RB1: variants seen among roughly 807,000 people sequenced by gnomAD.
The protein encoded by RB1 is RB transcriptional corepressor 1.
RB1 carries 18 observed loss-of-function variants against 135.4 expected under a neutral mutation model. The ratio of observed to expected loss-of-function variants is 0.13; its 90% CI spans 0.09 to 0.20. The LOEUF (loss-of-function observed/expected upper bound fraction) is 0.20. Ranked by LOEUF, RB1 falls within the 10% of genes least tolerant of loss-of-function variation. The probability of loss-of-function intolerance (pLI) is 1.00; values close to 1 mark genes in which losing one functional copy is unlikely to be tolerated. For synonymous variants in RB1, 365 were observed against 373.2 expected, an observed-to-expected ratio of 0.98 and a Z score of 0.25; for missense variants, 868 against 1,110.0, an observed-to-expected ratio of 0.78 and a Z score of 3.10.
intron 20 of RB1, among the ~76,000 whole-genome samples, chr13:48,461,950 A>G (rs1425093068): frequency 6.6e-6 from 1 of 151,628 alleles, no homozygotes; most frequent in Admixed American, 6.6e-5. Context: ...CTTCTGCCTC[A>G]GCCTCCTGAG....
intron 17 of RB1, among the ~76,000 whole-genome samples, chr13:48,424,913 G>T (rs561972538): frequency 4.5e-4 from 68 of 152,094 alleles, no homozygotes; most frequent in Non-Finnish European, 8.8e-4. Context: ...TGTTATCCAG[G>T]TGTGGTGGCT....
chr13:48,365,088 G>GGAT, intron 9 of RB1, 117 bp downstream of exon 9: 2 of 1,270,592 alleles, frequency 1.6e-6, no homozygotes, highest in African/African-American at 3.0e-5. Flanking sequence ...TGCCCAAGAA[G>GGAT]AATCTAGCCA....
chr13:48,355,976 A>G (rs1232621152), intron 6 of RB1, among the ~76,000 whole-genome samples: 1 of 152,002 alleles, frequency 6.6e-6, no homozygotes, highest in Non-Finnish European at 1.5e-5. Context: ...ACAAACATAG[A>G]AAAAATGAAT....
At chr13:48,356,562 T>A (rs1413081250) in intron 6 of RB1, among the ~76,000 whole-genome samples, 1 of 152,066 alleles carries the variant, frequency 6.6e-6, no homozygotes, top group Non-Finnish European at 1.5e-5. Flanking sequence ...GGTTACTATC[T>A]TCACTCTTCC....
intron 2 of RB1, among the ~76,000 whole-genome samples, chr13:48,337,196 C>T (rs143405992): frequency 0.031 from 4,694 of 152,112 alleles, 252 homozygotes; most frequent in African/African-American, 0.11. Flanking sequence ...CTATTAGGTC[C>T]GCTTGGTGCA....
At chr13:48,474,085 G>A (rs1344688980) in intron 24 of RB1, among the ~76,000 whole-genome samples, 2 of 152,178 alleles carry the variant, frequency 1.3e-5, no homozygotes, top group African/African-American at 4.8e-5. Flanking sequence ...CCCTAGCACA[G>A]GGGCTTCTGT....
chr13:48,373,718 C>A (rs1267536663), intron 12 of RB1, among the ~76,000 whole-genome samples: 1 of 152,060 alleles, frequency 6.6e-6, no homozygotes, highest in Non-Finnish European at 1.5e-5. Flanking sequence ...ATTTGCCTTG[C>A]TCACCATTCT....
At chr13:48,324,149 C>T (rs1952264636) in intron 2 of RB1, among the ~76,000 whole-genome samples, 1 of 151,994 alleles carries the variant, frequency 6.6e-6, no homozygotes, top group Admixed American at 6.5e-5. Flanking sequence ...ATGACCAAAT[C>T]ATGGTAGTTG....
At chr13:48,394,836 A>C (rs1433940948) in intron 17 of RB1, among the ~76,000 whole-genome samples, 2 of 152,206 alleles carry the variant, frequency 1.3e-5, no homozygotes, top group African/African-American at 4.8e-5. Flanking sequence ...AGACTTAAAC[A>C]TTCCTGCCTG....
chr13:48,315,741 A>G (rs1416756922), intron 2 of RB1, among the ~76,000 whole-genome samples: 1 of 152,212 alleles, frequency 6.6e-6, no homozygotes, highest in African/African-American at 2.4e-5. Flanking sequence ...TTCTTTATCC[A>G]CTAATCGGCT....
chr13:48,437,746 T>G (rs1949198908), intron 17 of RB1, among the ~76,000 whole-genome samples: 1 of 152,208 alleles, frequency 6.6e-6, no homozygotes, highest in African/African-American at 2.4e-5. Flanking sequence ...AGATGGAAAC[T>G]GCAGATTTTT....
chr13:48,369,473 T>C (rs528444757), intron 11 of RB1, among the ~76,000 whole-genome samples: 262 of 152,322 alleles, frequency 1.7e-3, no homozygotes, highest in African/African-American at 6.0e-3. Flanking sequence ...CCTAGAAATG[T>C]AAATCAGTTA....
chr13:48,406,273 C>A (rs762715252), intron 17 of RB1, among the ~76,000 whole-genome samples: 1 of 151,984 alleles, frequency 6.6e-6, no homozygotes, highest in Non-Finnish European at 1.5e-5. Flanking sequence ...TTCATTCCCA[C>A]CAGAAATGTA....
At chr13:48,448,430 G>T (rs574901369) in intron 17 of RB1, among the ~76,000 whole-genome samples, 1 of 152,246 alleles carries the variant, frequency 6.6e-6, no homozygotes, top group East Asian at 1.9e-4. Flanking sequence ...GACAACTCAT[G>T]CTCACCATCT....
At chr13:48,401,543 T>A (rs1948691779) in intron 17 of RB1, 1 of 152,212 alleles carries the variant, frequency 6.6e-6, no homozygotes. Context: ...GGCATTTCAT[T>A]TTTCCAACTA....
chr13:48,367,366 G>A (rs568278921), intron 9 of RB1, 128 bp from the exon 10 acceptor site: 46 of 981,856 alleles, frequency 4.7e-5, no homozygotes, highest in Middle Eastern at 3.1e-4. Flanking sequence ...TATTGCATGC[G>A]AACTCAGTGT....
intron 2 of RB1, among the ~76,000 whole-genome samples, chr13:48,335,075 G>C (rs1043751997): frequency 6.6e-6 from 1 of 151,970 alleles, no homozygotes; most frequent in Non-Finnish European, 1.5e-5. Context: ...AGATAATCGT[G>C]AACATTTTAA....
intron 25 of RB1, 79 bp from the exon 26 acceptor site, chr13:48,477,276 A>G: frequency 2.0e-6 from 2 of 1,023,498 alleles, no homozygotes; most frequent in Non-Finnish European, 3.0e-6. Context: ...TAAGTCATCG[A>G]AAGCATCATA....
chr13:48,454,964 G>C (rs2138329419), intron 18 of RB1, among the ~76,000 whole-genome samples: 2 of 152,058 alleles, frequency 1.3e-5, no homozygotes, highest in Middle Eastern at 3.5e-3. Flanking sequence ...CTCTCTAGCT[G>C]CTATCTGAAG....
Sources: gnomAD v4.1 joint callset for allele counts (sites outside exome capture counted in the v4.1 genomes callset) on GRCh38, gnomAD v4.1.1 for gene constraint, MANE v1.5 for transcripts, NCBI Gene and HGNC (gene_info 2026-07-23, HGNC 2026-07-21) for gene names.